The following SNCAIP variants were observed in gnomAD, a reference collection of about 807,000 sequenced individuals.
SNCAIP encodes the protein synphilin-1.
In SNCAIP, 43 loss-of-function variants were observed where a neutral mutation model predicts 86.7. The ratio of observed to expected loss-of-function variants is 0.50; its 90% CI spans 0.39 to 0.64. The LOEUF is 0.64. SNCAIP is among the 30% of genes least tolerant of loss of function. The pLI is 0.00. For missense variants in SNCAIP, 981 were observed against 1,103.1 expected, an observed-to-expected ratio of 0.89 and a Z score of 1.57; for synonymous variants, 417 against 427.2, an observed-to-expected ratio of 0.98 and a Z score of 0.29.
intron 1 of SNCAIP, among the ~76,000 whole-genome samples, chr5:122,314,435 A>G (rs1390435215): frequency 3.3e-5 from 5 of 152,178 alleles, no homozygotes; most frequent in African/African-American, 1.2e-4. Flanking sequence ...AATCAGTAAC[A>G]CTCTTAGAAT....
chr5:122,397,805 G>A (rs1167128452), intron 2 of SNCAIP, among the ~76,000 whole-genome samples: 1 of 152,150 alleles, frequency 6.6e-6, no homozygotes, highest in East Asian at 1.9e-4. Context: ...TATATTCCAT[G>A]TGGTGGGGTC....
At chr5:122,363,037 C>T (rs1254811195) in intron 1 of SNCAIP, among the ~76,000 whole-genome samples, 2 of 142,462 alleles carry the variant, frequency 1.4e-5, no homozygotes, top group Non-Finnish European at 3.0e-5. Context: ...GCTGTTGGTG[C>T]CCAGGCTGGA....
rs1314042240 is a variant in SNCAIP at position 122,451,077 on chromosome 5, G to A, written c.2230G>A (p.Asp744Asn). 3.7e-6 allele frequency: 6 copies of A among 1,614,004 alleles called. No homozygotes were observed. In the Admixed American group the frequency reaches 6.7e-5, roughly 18 times the overall value. Residue 744 changes from aspartate (D) to asparagine (N), a missense_variant, in exon 10 of 11, where the codon GAT becomes AAT. Transcript: ENST00000261368. ...CAGCATCAAGGCCTCCAAATCCCTGGATGGCCACAGCCCATCTCCCACCTC... is the reference window on the plus strand; with the variant it reads ...CAGCATCAAGGCCTCCAAATCCCTGAATGGCCACAGCCCATCTCCCACCTC... ...PFSIKASKSL[D>N]GHSPSPTSES...
intron 1 of SNCAIP, among the ~76,000 whole-genome samples, chr5:122,322,752 A>G (rs776329476): frequency 1.4e-4 from 22 of 152,238 alleles, no homozygotes; most frequent in Non-Finnish European, 1.9e-4. Context: ...CTTAAAAATA[A>G]TAGCATACAT....
chr5:122,329,454 A>G (rs1754823041), intron 1 of SNCAIP, among the ~76,000 whole-genome samples: 1 of 152,168 alleles, frequency 6.6e-6, no homozygotes, highest in Non-Finnish European at 1.5e-5. Flanking sequence ...ATTGTTCTCA[A>G]TTTATGGTCT....
At chr5:122,441,612 G>T (rs1780947274) in intron 7 of SNCAIP, among the ~76,000 whole-genome samples, 2 of 152,134 alleles carry the variant, frequency 1.3e-5, no homozygotes, top group African/African-American at 2.4e-5. Context: ...GCATGAAACT[G>T]GGCCAAACCC....
intron 1 of SNCAIP, among the ~76,000 whole-genome samples, chr5:122,387,394 C>T (rs912225788): frequency 1.3e-5 from 2 of 152,142 alleles, no homozygotes; most frequent in African/African-American, 4.8e-5. Flanking sequence ...CCTCGTGATC[C>T]GTCCACCTTG....
At position 122,456,993 on chromosome 5, in the gene SNCAIP, A is replaced by G. The variant is rs536666596; in HGVS notation, c.2754+5392A>G. Among the ~76,000 whole-genome samples, 7 of 151,992 alleles carry G rather than the reference A, an allele frequency of 4.6e-5. No homozygotes were observed. The South Asian group carries it at 1.5e-3, about 32-fold the overall frequency. On this transcript the variant is annotated intron_variant, in intron 10 of 10. Transcript: ENST00000261368. ...CAGAAACTGTAGTTTCATGTTTTTTATTTTTGTTTTGTTTTGTTTTGTTTT... is the reference window on the plus strand; with the variant it reads ...CAGAAACTGTAGTTTCATGTTTTTTGTTTTTGTTTTGTTTTGTTTTGTTTT...
intron 3 of SNCAIP, among the ~76,000 whole-genome samples, chr5:122,418,595 T>C (rs1469256228): frequency 6.6e-6 from 1 of 152,218 alleles, no homozygotes; most frequent in Non-Finnish European, 1.5e-5. Context: ...GCCTGAGGTC[T>C]CATTTTTCGA....
intron 1 of SNCAIP, among the ~76,000 whole-genome samples, chr5:122,365,861 T>C (rs1010279770): frequency 1.3e-5 from 2 of 152,122 alleles, no homozygotes; most frequent in Non-Finnish European, 2.9e-5. Context: ...CAGATAATAA[T>C]AGGAAGTCAT....
chr5:122,434,675 G>A (rs751366101), intron 6 of SNCAIP, among the ~76,000 whole-genome samples: 1 of 152,142 alleles, frequency 6.6e-6, no homozygotes, highest in Non-Finnish European at 1.5e-5. Context: ...TTACCCAACT[G>A]GAAAATATAG....
At chr5:122,398,009 C>G (rs1221055793) in intron 2 of SNCAIP, among the ~76,000 whole-genome samples, 1 of 152,070 alleles carries the variant, frequency 6.6e-6, no homozygotes, top group Non-Finnish European at 1.5e-5. Flanking sequence ...CTTGGTGGCC[C>G]TAGTAAGCAC....
At chr5:122,451,670 T>G in intron 10 of SNCAIP, 69 bp downstream of exon 10, 1 of 1,209,484 alleles carries the variant, frequency 8.3e-7, no homozygotes, top group Non-Finnish European at 1.2e-6. Flanking sequence ...ATATCACAGA[T>G]TGTGGGCCCA....
intron 6 of SNCAIP, among the ~76,000 whole-genome samples, chr5:122,435,021 C>G (rs1027900219): frequency 1.4e-5 from 2 of 147,442 alleles, no homozygotes; most frequent in Admixed American, 1.4e-4. Context: ...TAATTTGTGT[C>G]GTTTTTCTTG....
intron 3 of SNCAIP, among the ~76,000 whole-genome samples, chr5:122,404,192 T>C (rs569444229): frequency 1.3e-3 from 198 of 152,232 alleles, no homozygotes; most frequent in African/African-American, 4.6e-3. Context: ...CAAAACATAA[T>C]GATGCAGGCG....
chr5:122,395,888 G>A (rs12655587), intron 2 of SNCAIP, among the ~76,000 whole-genome samples: 19,637 of 152,076 alleles, frequency 0.13, 1,341 homozygotes, highest in South Asian at 0.25. Context: ...TGAATAAGAT[G>A]GACCCTATTG....
intron 2 of SNCAIP, chr5:122,401,117 T>C: frequency 4.5e-6 from 7 of 1,549,602 alleles, no homozygotes; most frequent in Non-Finnish European, 5.2e-6. Flanking sequence ...GCCATTGTCC[T>C]GAGAATGAGG....
intron 1 of SNCAIP, among the ~76,000 whole-genome samples, chr5:122,351,068 C>T (rs922903988): frequency 6.6e-6 from 1 of 152,192 alleles, no homozygotes; most frequent in African/African-American, 2.4e-5. Flanking sequence ...ATGCCTCCAA[C>T]ATTTTTCTAT....
intron 1 of SNCAIP, among the ~76,000 whole-genome samples, chr5:122,323,917 C>T (rs1017661060): frequency 5.9e-5 from 9 of 152,138 alleles, no homozygotes; most frequent in Non-Finnish European, 1.2e-4. Context: ...CGTGACACAT[C>T]GTACAACCGT....
Sources: allele counts gnomAD v4.1 joint callset (sites outside exome capture counted in the v4.1 genomes callset), GRCh38; gene constraint gnomAD v4.1.1; transcripts MANE v1.5; gene names NCBI Gene and HGNC (gene_info 2026-07-23, HGNC 2026-07-21).